Variants in GPC5 observed in about 807,000 individuals in gnomAD.
GPC5 encodes the protein glypican-5.
GPC5 carries 47 observed loss-of-function variants against 53.9 expected under a neutral mutation model. That is an observed-to-expected ratio of 0.87 (90% CI 0.69 to 1.11). The LOEUF (loss-of-function observed/expected upper bound fraction) is 1.11, where lower values mean the gene tolerates loss of function less well. Among genes scored for constraint, GPC5 ranks in the 50% most tolerant of loss-of-function variants. GPC5 has a pLI of 0.00. For missense variants in GPC5, 748 were observed against 713.1 expected (o/e 1.05, Z -0.56); for synonymous variants, 286 against 263.3 (o/e 1.09, Z -0.84).
intron 7 of GPC5, among the ~76,000 whole-genome samples, chr13:92,865,436 A>G (rs1050022716): frequency 6.6e-6 from 1 of 152,128 alleles, no homozygotes; most frequent in Non-Finnish European, 1.5e-5. Context: ...TCTCACTTAC[A>G]TGTGGAATCT....
chr13:92,315,763 T>A (rs12873633), intron 7 of GPC5, among the ~76,000 whole-genome samples: 17,891 of 151,816 alleles, frequency 0.12, 1,150 homozygotes, highest in Middle Eastern at 0.16. Context: ...ATAAGGACTC[T>A]TTTCAAACTA....
intron 5 of GPC5, among the ~76,000 whole-genome samples, chr13:91,780,663 G>T (rs2138719857): frequency 6.6e-6 from 1 of 152,268 alleles, no homozygotes; most frequent in African/African-American, 2.4e-5. Context: ...GATGTTTCTA[G>T]TAAAGTTCAA....
chr13:92,749,569 G>A (rs552688830), intron 7 of GPC5, among the ~76,000 whole-genome samples: 2 of 152,206 alleles, frequency 1.3e-5, no homozygotes, highest in South Asian at 4.1e-4. Context: ...CGATGGAGGT[G>A]ATTGATTCTG....
chr13:91,590,129 T>C (rs2032743705), intron 2 of GPC5, among the ~76,000 whole-genome samples: 1 of 151,742 alleles, frequency 6.6e-6, no homozygotes, highest in Non-Finnish European at 1.5e-5. Flanking sequence ...ATAGGCATAC[T>C]TAGAAAATAA....
At chr13:92,428,439 G>C (rs1005616361) in intron 7 of GPC5, among the ~76,000 whole-genome samples, 3 of 152,056 alleles carry the variant, frequency 2.0e-5, no homozygotes, top group African/African-American at 7.2e-5. Flanking sequence ...CCAGACGCCA[G>C]CTTGCCTCCG....
intron 7 of GPC5, among the ~76,000 whole-genome samples, chr13:92,412,904 G>C (rs1378967247): frequency 1.3e-5 from 2 of 152,088 alleles, no homozygotes; most frequent in South Asian, 4.1e-4. Flanking sequence ...GGCAGTTGCT[G>C]GTAAGAAATA....
intron 7 of GPC5, among the ~76,000 whole-genome samples, chr13:92,474,631 T>A (rs1232655581): frequency 6.6e-6 from 1 of 150,492 alleles, no homozygotes. Context: ...CTAGTTGTGA[T>A]GGTTAAAAAA....
rs564935655 is a variant in GPC5, at chr13:91,755,861, C to T, written c.1155-434C>T. Among the ~76,000 whole-genome samples the T allele has an allele frequency of 2.4e-3, 371 of 152,062 alleles. 3 individuals carry two copies. The highest frequency in any genetic ancestry group is 8.5e-3 in the African/African-American group (353 of 41,506). On this transcript the variant is annotated intron_variant, in intron 4 of 7. Transcript: ENST00000377067. ...CACTTGGCATGTTGTAAGTCTCTGACATTTTCCACAGGGAAAAGAAAATTA... is the reference window on the plus strand; with the variant it reads ...CACTTGGCATGTTGTAAGTCTCTGATATTTTCCACAGGGAAAAGAAAATTA...
At chr13:92,536,782 C>T (rs377155794) in intron 7 of GPC5, among the ~76,000 whole-genome samples, 5 of 151,768 alleles carry the variant, frequency 3.3e-5, no homozygotes, top group Non-Finnish European at 4.4e-5. Context: ...TCAAAAAGAC[C>T]ATAAAATTGT....
At chr13:91,467,147 T>C (rs1882292492) in intron 2 of GPC5, among the ~76,000 whole-genome samples, 1 of 152,144 alleles carries the variant, frequency 6.6e-6, no homozygotes, top group African/African-American at 2.4e-5. Context: ...TTGTGGAAAA[T>C]AGACAAATGC....
intron 7 of GPC5, among the ~76,000 whole-genome samples, chr13:92,645,670 T>C (rs1885743680): frequency 6.6e-6 from 1 of 152,164 alleles, no homozygotes; most frequent in East Asian, 1.9e-4. Context: ...AGTTTGATTG[T>C]TCATCCTTAC....
At chr13:92,005,643 A>C (rs562917864) in intron 6 of GPC5, among the ~76,000 whole-genome samples, 1 of 152,304 alleles carries the variant, frequency 6.6e-6, no homozygotes, top group African/African-American at 2.4e-5. Context: ...GATTATCCAT[A>C]TCTCCCTTCT....
chr13:92,520,791 C>G (rs917906083), intron 7 of GPC5, among the ~76,000 whole-genome samples: 3 of 151,908 alleles, frequency 2.0e-5, no homozygotes, highest in African/African-American at 7.3e-5. Flanking sequence ...GCCAATCAAG[C>G]AGGACAAAGA....
In GPC5 at chr13:91,881,775, C is replaced by T. The variant is rs74457562; in HGVS notation, c.1281-26162C>T. Among the ~76,000 whole-genome samples, 28 of 152,208 alleles carry T rather than the reference C, an allele frequency of 1.8e-4. 1 individual carries two copies. The East Asian group carries it at 5.2e-3, about 28-fold the overall frequency. ...TAGCAGGAATAATTCTAAGGTAGCC[C>T]CTATGACCTTCATTTCCTCATGTTA... On this transcript the variant is annotated intron_variant, in intron 5 of 7. Transcript: ENST00000377067.
chr13:91,981,003 T>C (rs1365100992), intron 6 of GPC5, among the ~76,000 whole-genome samples: 1 of 152,220 alleles, frequency 6.6e-6, no homozygotes, highest in Non-Finnish European at 1.5e-5. Flanking sequence ...CCATTTTATA[T>C]TTTTGGACAT....
chr13:92,071,790 T>A (rs866085972), intron 6 of GPC5, among the ~76,000 whole-genome samples: 7 of 149,888 alleles, frequency 4.7e-5, no homozygotes, highest in Admixed American at 2.0e-4. Context: ...CAATTTTTTT[T>A]ATCCAATGTG....
intron 7 of GPC5, among the ~76,000 whole-genome samples, chr13:92,797,973 G>A (rs1246944740): frequency 1.3e-5 from 2 of 151,790 alleles, no homozygotes; most frequent in Non-Finnish European, 2.9e-5. Context: ...TGCAAAGTAT[G>A]AAATTCTTCC....
chr13:92,791,738 C>G (rs1485564381), intron 7 of GPC5, among the ~76,000 whole-genome samples: 1 of 151,940 alleles, frequency 6.6e-6, no homozygotes, highest in Non-Finnish European at 1.5e-5. Context: ...TTTGTAACAG[C>G]TTTATAGAGA....
chr13:92,716,749 T>C (rs972459252), intron 7 of GPC5, among the ~76,000 whole-genome samples: 1 of 152,114 alleles, frequency 6.6e-6, no homozygotes, highest in African/African-American at 2.4e-5. Context: ...AGCAAAAAAA[T>C]ACTCCAAGAT....
Sources: gnomAD v4.1 joint callset for allele counts (sites outside exome capture counted in the v4.1 genomes callset) on GRCh38, gnomAD v4.1.1 for gene constraint, MANE v1.5 for transcripts, NCBI Gene and HGNC (gene_info 2026-07-23, HGNC 2026-07-21) for gene names.